Variants in ROBO2 observed in about 807,000 individuals in gnomAD.
The protein encoded by ROBO2 is roundabout guidance receptor 2.
Under a neutral mutation model 160.8 loss-of-function variants are expected in ROBO2, and 53 were observed. The observed-to-expected ratio is 0.33, with a 90% CI of 0.26 to 0.41. The LOEUF is 0.41. ROBO2 is among the 10% of genes least tolerant of loss of function. The pLI is 1.00. For missense variants in ROBO2, 1,577 were observed against 1,722.4 expected, an observed-to-expected ratio of 0.92 and a Z score of 1.49; for synonymous variants, 664 against 611.7, an observed-to-expected ratio of 1.09 and a Z score of -1.26.
intron 2 of ROBO2, among the ~76,000 whole-genome samples, chr3:76,263,472 C>T (rs946775755): frequency 2.0e-5 from 3 of 152,116 alleles, no homozygotes; most frequent in African/African-American, 7.2e-5. Flanking sequence ...ATCCTCCTGC[C>T]TTGACCTCCC....
intron 2 of ROBO2, among the ~76,000 whole-genome samples, chr3:76,331,536 T>C (rs6802433): frequency 0.28 from 41,894 of 151,512 alleles, 6,263 homozygotes; most frequent in Non-Finnish European, 0.35. Flanking sequence ...GATTCCTCTG[T>C]TTGGTTTTAA....
chr3:77,392,951 G>C (rs1051699207), intron 2 of ROBO2, among the ~76,000 whole-genome samples: 1 of 152,110 alleles, frequency 6.6e-6, no homozygotes, highest in African/African-American at 2.4e-5. Flanking sequence ...GATATTAGAA[G>C]TTTTATCATT....
At chr3:77,476,124 T>C (rs1318239481) in intron 2 of ROBO2, among the ~76,000 whole-genome samples, 1 of 152,172 alleles carries the variant, frequency 6.6e-6, no homozygotes. Context: ...AACCCTGAAG[T>C]CACTGAGTTG....
intron 2 of ROBO2, among the ~76,000 whole-genome samples, chr3:76,494,900 A>G (rs1393716391): frequency 6.6e-6 from 1 of 152,198 alleles, no homozygotes; most frequent in African/African-American, 2.4e-5. Context: ...GGAAGTAGAC[A>G]ATTAGGAGCA....
intron 2 of ROBO2, among the ~76,000 whole-genome samples, chr3:77,144,463 T>C (rs1439022141): frequency 1.3e-5 from 2 of 152,250 alleles, no homozygotes; most frequent in Non-Finnish European, 2.9e-5. Context: ...CCTCAGCAGC[T>C]TTCTACCCTC....
chr3:76,617,033 A>G (rs2088638872), intron 2 of ROBO2, among the ~76,000 whole-genome samples: 1 of 152,080 alleles, frequency 6.6e-6, no homozygotes, highest in South Asian at 2.1e-4. Flanking sequence ...TCAAACCTAC[A>G]CAGTGTGGCC....
intron 2 of ROBO2, among the ~76,000 whole-genome samples, chr3:76,200,328 A>C (rs1424264039): frequency 6.6e-6 from 1 of 152,114 alleles, no homozygotes; most frequent in African/African-American, 2.4e-5. Context: ...CTGGTGTGGG[A>C]AAGGGATGCA....
At chr3:76,011,364 A>T (rs1190121512) in intron 2 of ROBO2, among the ~76,000 whole-genome samples, 1 of 152,204 alleles carries the variant, frequency 6.6e-6, no homozygotes, top group African/African-American at 2.4e-5. Context: ...AGACACACAG[A>T]CATTGTACTC....
chr3:76,588,160 A>C (rs1483457421), intron 2 of ROBO2, among the ~76,000 whole-genome samples: 1 of 152,166 alleles, frequency 6.6e-6, no homozygotes, highest in East Asian at 1.9e-4. Flanking sequence ...TTCTCTTCTC[A>C]AGATCCTATT....
chr3:77,456,973 C>T (rs564469047), intron 2 of ROBO2, among the ~76,000 whole-genome samples: 1 of 152,262 alleles, frequency 6.6e-6, no homozygotes, highest in East Asian at 1.9e-4. Context: ...TCAAGGGTAC[C>T]AAAGGATTAT....
rs200584185 is a variant in ROBO2 at position 77,625,386 on chromosome 3, C to CT, written c.3760+2966dup. On this transcript the variant is annotated intron_variant, in intron 23 of 25. Coordinates refer to ENST00000461745, the Ensembl canonical transcript of ROBO2. ...TGCAAGCCATCTTTCTTTCTTTCTT[C>CT]TTTTTTTTTTTTGTCGGAGTCTCAC... Among the ~76,000 whole-genome samples, 987 of 145,024 alleles carry CT rather than the reference C, an allele frequency of 6.8e-3. 12 individuals are homozygous for CT. The highest frequency in any genetic ancestry group is 0.055 in the South Asian group (251 of 4,568).
chr3:77,054,116 C>A (rs2149711474), intron 1 of ROBO2, among the ~76,000 whole-genome samples: 1 of 152,264 alleles, frequency 6.6e-6, no homozygotes, highest in Admixed American at 6.5e-5. Flanking sequence ...TAGGAAGATG[C>A]TTGTCTACTT....
chr3:76,202,595 A>G (rs966678168), intron 2 of ROBO2, among the ~76,000 whole-genome samples: 8 of 152,204 alleles, frequency 5.3e-5, no homozygotes, highest in Non-Finnish European at 1.0e-4. Flanking sequence ...TGTACACTTT[A>G]TAATTACTGG....
chr3:76,044,301 G>A (rs950864750), intron 2 of ROBO2, among the ~76,000 whole-genome samples: 1 of 152,018 alleles, frequency 6.6e-6, no homozygotes, highest in Non-Finnish European at 1.5e-5. Context: ...TCTTCAGCTT[G>A]TCCCACTTCA....
chr3:77,632,452 A>G (rs778403160), intron 23 of ROBO2: 1 of 1,513,324 alleles, frequency 6.6e-7, no homozygotes, highest in East Asian at 2.5e-5. Context: ...ACAACTCACT[A>G]GACAACTACA....
intron 1 of ROBO2, among the ~76,000 whole-genome samples, chr3:77,091,363 T>G (rs2070229104): frequency 6.6e-6 from 1 of 152,212 alleles, no homozygotes; most frequent in Admixed American, 6.5e-5. Context: ...TATTCATGAA[T>G]TATAATTTAT....
chr3:76,161,681 C>T (rs1487026987), intron 2 of ROBO2, among the ~76,000 whole-genome samples: 1 of 152,068 alleles, frequency 6.6e-6, no homozygotes, highest in Non-Finnish European at 1.5e-5. Flanking sequence ...AGGCATTTTT[C>T]GTCTTTTATC....
intron 2 of ROBO2, among the ~76,000 whole-genome samples, chr3:77,122,462 T>G (rs1268960821): frequency 6.6e-6 from 1 of 152,194 alleles, no homozygotes; most frequent in Non-Finnish European, 1.5e-5. Context: ...AGGTTATAAT[T>G]TAGCCGTCGC....
intron 2 of ROBO2, among the ~76,000 whole-genome samples, chr3:76,488,852 G>C (rs1223769342): frequency 6.6e-6 from 1 of 152,054 alleles, no homozygotes; most frequent in Non-Finnish European, 1.5e-5. Context: ...AGAAAATCAA[G>C]TTTACTATGG....
Sources: allele counts gnomAD v4.1 joint callset (sites outside exome capture counted in the v4.1 genomes callset), GRCh38; gene constraint gnomAD v4.1.1; transcripts MANE v1.5; gene names NCBI Gene and HGNC (gene_info 2026-07-23, HGNC 2026-07-21).